Variants in DYNLRB1 observed in about 807,000 individuals in gnomAD.
DYNLRB1 encodes dynein light chain roadblock-type 1.
Under a neutral mutation model 13.5 loss-of-function variants are expected in DYNLRB1, and 6 were observed. That is an observed-to-expected ratio of 0.44 (90% CI 0.24 to 0.88). DYNLRB1 has a LOEUF of 0.88. Among genes scored for constraint, DYNLRB1 ranks in the 40% least tolerant of loss-of-function variants. DYNLRB1 has a pLI of 0.21. For missense variants in DYNLRB1, 93 were observed against 127.2 expected (o/e 0.73, Z 1.29); for synonymous variants, 43 against 45.0 (o/e 0.96, Z 0.18).
At chr20:34,533,270 G>A (rs184815447) in intron 2 of DYNLRB1, among the ~76,000 whole-genome samples, 1 of 152,310 alleles carries the variant, frequency 6.6e-6, no homozygotes, top group African/African-American at 2.4e-5. Flanking sequence ...CAGCCCCTAA[G>A]TAGCCAACAG....
chr20:34,531,404 A>G (rs1353388873), intron 2 of DYNLRB1, among the ~76,000 whole-genome samples: 1 of 152,180 alleles, frequency 6.6e-6, no homozygotes, highest in African/African-American at 2.4e-5. Flanking sequence ...AGGCCGTCTC[A>G]GGTCTCCTCC....
chr20:34,540,252 T>G (rs1981473539), intron 3 of DYNLRB1, among the ~76,000 whole-genome samples: 1 of 152,150 alleles, frequency 6.6e-6, no homozygotes, highest in South Asian at 2.1e-4. Context: ...TCATTGGAGC[T>G]CTTTGAACTG....
At chr20:34,534,003 C>T (rs950504872) in intron 2 of DYNLRB1, among the ~76,000 whole-genome samples, 1 of 151,140 alleles carries the variant, frequency 6.6e-6, no homozygotes, top group Non-Finnish European at 1.5e-5. Context: ...TAGCTGGGTG[C>T]TGTGGCACGC....
In DYNLRB1 at chr20:34,522,821, G is replaced by T. The variant is rs368576839; in HGVS notation, c.4-3447G>T. 5.3e-5 allele frequency among the ~76,000 whole-genome samples: 8 copies of T among 152,252 alleles called. No individual in the cohort carries two copies. In the East Asian group the frequency reaches 1.5e-3, roughly 29 times the overall value. On this transcript the variant is annotated intron_variant, in intron 1 of 3. Transcript: ENST00000357156. ...GATCTTAGTATCTGGTTCTCGTTGA[G>T]TTTCAGATCACCTAAACCTTAGCTC...
At chr20:34,516,044 C>T (rs1979137748), upstream of DYNLRB1, among the ~76,000 whole-genome samples, 1 of 152,176 alleles carries the variant, frequency 6.6e-6, no homozygotes, top group Non-Finnish European at 1.5e-5. Context: ...ACGAGCGCGC[C>T]ACCACGCCCG....
At position 34,534,715 on chromosome 20, in the gene DYNLRB1, C is replaced by G. The variant is rs200772275; in HGVS notation, c.167C>G (p.Thr56Ser). The stretch of plus-strand genomic sequence containing the variant: ...AGCTTCATCCTGAAGGCACGGAGCA[C>G]CGTGCGTGACATCGACCCCCAGAAC... ...MHSFILKARS[T>S]VRDIDPQNDL... is the part of the protein sequence containing the mutation. Residue 56 changes from threonine (T) to serine (S), a missense_variant, in exon 3 of 4, where the codon ACC (threonine) becomes AGC (serine). By Grantham distance (58) the Thr-to-Ser change is moderately conservative. Transcript: ENST00000357156. 4 of 1,613,084 alleles carry G rather than the reference C, an allele frequency of 2.5e-6. No homozygotes were observed. The East Asian group carries it at 6.7e-5, about 27-fold the overall frequency.
At chr20:34,529,303 C>G (rs967400909) in intron 2 of DYNLRB1, among the ~76,000 whole-genome samples, 1 of 152,328 alleles carries the variant, frequency 6.6e-6, no homozygotes, top group East Asian at 1.9e-4. Context: ...GTTCAGTGCT[C>G]TTAGAGAGCC....
At chr20:34,538,238 G>C (rs979326567) in intron 3 of DYNLRB1, among the ~76,000 whole-genome samples, 25 of 151,158 alleles carry the variant, frequency 1.7e-4, no homozygotes, top group African/African-American at 5.8e-4. Context: ...AAAGTGCTGG[G>C]ATTATATGCG....
At chr20:34,527,333 C>T (rs990036902) in intron 2 of DYNLRB1, among the ~76,000 whole-genome samples, 2 of 152,180 alleles carry the variant, frequency 1.3e-5, no homozygotes, top group African/African-American at 4.8e-5. Context: ...AGCTTTGTGA[C>T]CTTGGCCAAG....
chr20:34,526,642 A>T, intron 2 of DYNLRB1: 4 of 388,182 alleles, frequency 1.0e-5, no homozygotes, highest in Non-Finnish European at 1.9e-5. Context: ...AATCCGCTCA[A>T]TCCCACCACC....
At position 34,528,326 on chromosome 20, in the gene DYNLRB1, A is replaced by AG. The variant is rs1342930545; in HGVS notation, c.79+1983_79+1984insG. Among the ~76,000 whole-genome samples, 2 of 38,150 alleles carry AG rather than the reference A, an allele frequency of 5.2e-5. 1 individual carries two copies. The highest frequency in any genetic ancestry group is 1.2e-4 in the Non-Finnish European group (2 of 16,472). The allele number at this position is 38,150 out of a possible 152,430, so 25.0% of individuals were successfully genotyped here. On this transcript the variant is annotated intron_variant, in intron 2 of 3. Coordinates refer to ENST00000357156, the MANE Select transcript of DYNLRB1 (RefSeq NM_014183.4). ...GACTCCGTCTCAAAAAAAAAAAAAA[A>AG]AAAAAAAAAAAAAAAAAACTACCCT...
intron 1 of DYNLRB1, among the ~76,000 whole-genome samples, chr20:34,524,816 C>G (rs748961889): frequency 6.6e-6 from 1 of 151,752 alleles, no homozygotes; most frequent in African/African-American, 2.4e-5. Context: ...CTCCACCCCG[C>G]GGGTTCACGC....
chr20:34,526,077 C>A (rs892728598), intron 1 of DYNLRB1, among the ~76,000 whole-genome samples, 191 bp from the exon 2 acceptor site: 9 of 152,274 alleles, frequency 5.9e-5, no homozygotes, highest in Admixed American at 3.9e-4. Context: ...GGGGTGTGAG[C>A]GGATGCTCTG....
chr20:34,528,810 C>CA (rs569383227), intron 2 of DYNLRB1, among the ~76,000 whole-genome samples: 1 of 151,030 alleles, frequency 6.6e-6, no homozygotes, highest in Non-Finnish European at 1.5e-5. Flanking sequence ...GAACTCCACA[C>CA]AAAAAAAAGA....
At chr20:34,539,184 C>T (rs373268640) in intron 3 of DYNLRB1, among the ~76,000 whole-genome samples, 17 of 152,162 alleles carry the variant, frequency 1.1e-4, no homozygotes, top group African/African-American at 3.6e-4. Flanking sequence ...GCAACAATAC[C>T]ACTTCTCCAG....
chr20:34,522,469 C>CTTTTTTTTTTTTTTTTTTTT lies in DYNLRB1; in HGVS notation c.4-3796_4-3777dup, dbSNP rs771811577. 3.3e-3 allele frequency among the ~76,000 whole-genome samples: 252 copies of CTTTTTTTTTTTTTTTTTTTT among 77,204 alleles called. 3 individuals are homozygous for CTTTTTTTTTTTTTTTTTTTT. The highest frequency in any genetic ancestry group is 4.8e-3 in the East Asian group (12 of 2,496). The allele number at this position is 77,204 out of a possible 152,430, so 50.6% of individuals were successfully genotyped here. A position where few individuals can be genotyped will look rare whatever the true frequency, so the allele number is the denominator to read the frequency against. ...TTTTCTTTCTTTCTTTTTTCTTTTT[C>CTTTTTTTTTTTTTTTTTTTT]TTTTTTTTTTTTTTTTTTTTTTGAT... On this transcript the variant is annotated intron_variant, in intron 1 of 3. Transcript: ENST00000357156.
At chr20:34,530,447 T>G (rs1193091660) in intron 2 of DYNLRB1, 1 of 243,716 alleles carries the variant, frequency 4.1e-6, no homozygotes, top group Non-Finnish European at 6.6e-6. Context: ...TTTAGAATAG[T>G]GCCTGGCATG....
chr20:34,538,248 G>A (rs754281782), intron 3 of DYNLRB1, among the ~76,000 whole-genome samples: 4 of 149,748 alleles, frequency 2.7e-5, no homozygotes, highest in South Asian at 2.1e-4. Context: ...GATTATATGC[G>A]TGAGCCACCA....
chr20:34,524,619 C>G (rs1484641250), intron 1 of DYNLRB1, among the ~76,000 whole-genome samples: 1 of 152,112 alleles, frequency 6.6e-6, no homozygotes, highest in Non-Finnish European at 1.5e-5. Context: ...GACTGACATT[C>G]GATCTCATAC....
Sources: allele counts gnomAD v4.1 joint callset (sites outside exome capture counted in the v4.1 genomes callset), GRCh38; gene constraint gnomAD v4.1.1; transcripts MANE v1.5; gene names NCBI Gene and HGNC (gene_info 2026-07-23, HGNC 2026-07-21).